The following CAPN3 variants were observed in gnomAD, a reference collection of about 807,000 sequenced individuals.
CAPN3 encodes the protein calpain-3.
In CAPN3, 88 loss-of-function variants were observed where a neutral mutation model predicts 114.0. The observed-to-expected ratio is 0.77, with a 90% CI of 0.65 to 0.92. The LOEUF (loss-of-function observed/expected upper bound fraction) is 0.92, where lower values mean the gene tolerates loss of function less well. Ranked by LOEUF, CAPN3 falls within the 40% of genes least tolerant of loss-of-function variation. The probability of loss-of-function intolerance (pLI) is 0.00; values close to 1 mark genes in which losing one functional copy is unlikely to be tolerated. For missense variants in CAPN3, 1,028 were observed against 1,069.0 expected, an observed-to-expected ratio of 0.96 and a Z score of 0.53; for synonymous variants, 386 against 382.9, an observed-to-expected ratio of 1.01 and a Z score of -0.09.
intron 16 of CAPN3, chr15:42,408,758 G>A: frequency 3.0e-6 from 1 of 337,804 alleles, no homozygotes; most frequent in South Asian, 2.5e-5. Flanking sequence ...TTAGATTGGA[G>A]TGGGAGCTTA....
Position 42,399,587 on chromosome 15 carries a change from C to G in CAPN3, c.1289C>G (p.Thr430Arg). The G allele has an allele frequency of 6.2e-7, 1 of 1,614,034 alleles. No individual in the cohort carries two copies. Among genetic ancestry groups the G allele is most frequent in the Non-Finnish European group, 8.5e-7 (1 of 1,179,958 alleles). The change falls in exon 10 of 24, where the codon ACA (threonine) becomes AGA (arginine). Residue 430 changes from threonine to arginine, a missense_variant. Coordinates refer to ENST00000397163, the MANE Select transcript of CAPN3 (RefSeq NM_000070.3). ...CAGTCTGACAAGCTTCAGACCTGGA[C>G]AGTGTCTGTGAACGAGGGCCGCTGG... Reference protein sequence around the residue: ...ALQSDKLQTWTVSVNEGRWVR... With the variant: ...ALQSDKLQTWRVSVNEGRWVR...
At chr15:42,375,476 G>C (rs1221628065) in intron 1 of CAPN3, among the ~76,000 whole-genome samples, 1 of 151,608 alleles carries the variant, frequency 6.6e-6, no homozygotes, top group African/African-American at 2.4e-5. Context: ...GTAGCACAAG[G>C]CCCTTCTTCC....
At position 42,408,281 on chromosome 15, in the gene CAPN3, G is replaced by A; in HGVS notation, c.1871G>A (p.Gly624Asp). 6.2e-7 allele frequency: 1 copy of A among 1,613,780 alleles called. No individual in the cohort carries two copies. The part of the protein sequence containing the change: ...ELGVDQESEE[G>D]KGKTSPDKQK... ...GGTGTGGACCAGGAGTCAGAGGAGG[G>A]CAAAGGCAAAACAAGCCCTGATAAG... Residue 624 changes from glycine to aspartate, a missense_variant, in exon 16 of 24, where the codon GGC (glycine) becomes GAC (aspartate). Gly to Asp is a moderately conservative substitution (Grantham distance 94). Coordinates refer to ENST00000397163, the MANE Select transcript of CAPN3 (RefSeq NM_000070.3).
Position 42,412,113 on chromosome 15 carries a change from C to G in CAPN3, c.*340C>G. 6.5e-7 allele frequency: 1 copy of G among 1,535,706 alleles called. No homozygotes were observed. The highest frequency in any genetic ancestry group is 8.7e-7 in the Non-Finnish European group (1 of 1,146,824). On this transcript the variant is annotated 3_prime_UTR_variant, in exon 24 of 24. Transcript: ENST00000397163. ...TGTCTGCAGAAGCACCTGCCGGTGG[C>G]ACTCAGCACCTCCTTGTGCTAGAGC... is the stretch of plus-strand genomic sequence containing the variant.
intron 21 of CAPN3, 57 bp downstream of exon 21, chr15:42,410,723 G>T: frequency 6.8e-7 from 1 of 1,468,888 alleles, no homozygotes; most frequent in South Asian, 1.1e-5. Context: ...GAGCAGGAAT[G>T]GGAGGGGACT....
At chr15:42,390,195 A>G in intron 6 of CAPN3, 99 bp downstream of exon 6, 2 of 1,339,294 alleles carry the variant, frequency 1.5e-6, no homozygotes, top group Non-Finnish European at 1.1e-6. Flanking sequence ...GGCCTTACCC[A>G]CACACCCCCA....
chr15:42,386,195 C>T lies in CAPN3; in HGVS notation c.408C>T (p.Ala136=), dbSNP rs775861630. The change falls in exon 3 of 24, where the codon GCC becomes GCT. Residue 136 remains alanine, a synonymous_variant. Coordinates refer to ENST00000397163, the MANE Select transcript of CAPN3 (RefSeq NM_000070.3). ...ACTGCTGGTTTCTCGCAGCCATTGC[C>T]TGCCTGACCCTGAACCAGCACCTTC... ...LGDCWFLAAI[A]CLTLNQHLLF... is the part of the protein sequence containing the mutation. 4 of 1,614,052 alleles carry T rather than the reference C, an allele frequency of 2.5e-6. No homozygotes were observed. Among genetic ancestry groups the T allele is most frequent in the South Asian group, 2.2e-5 (2 of 91,086 alleles).
rs66487749 is a variant in CAPN3 at position 42,374,794 on chromosome 15, CTTTTTTTTTTTT to C, written c.310-9676_310-9665del. ...TGCATTGTAATCGAATATCATGTCTCTTTTTTTTTTTTTTTTTTTTTTTTGAGAGAGAGACTT... is the reference window on the plus strand; with the variant it reads ...TGCATTGTAATCGAATATCATGTCTCTTTTTTTTTTTTGAGAGAGAGACTT... On this transcript the variant is annotated intron_variant, in intron 1 of 23. Coordinates refer to ENST00000397163, the MANE Select transcript of CAPN3 (RefSeq NM_000070.3). Among the ~76,000 whole-genome samples, 77 of 85,452 alleles carry C rather than the reference CTTTTTTTTTTTT, an allele frequency of 9.0e-4. 2 individuals are homozygous for C. Among genetic ancestry groups the C allele is most frequent in the Non-Finnish European group, 1.5e-3 (70 of 46,928 alleles). The allele number at this position is 85,452 out of a possible 152,430, so 56.1% of individuals were successfully genotyped here. A position where few individuals can be genotyped will look rare whatever the true frequency, so the allele number is the denominator to read the frequency against.
intron 9 of CAPN3, among the ~76,000 whole-genome samples, chr15:42,398,351 G>A (rs2053760198): frequency 6.6e-6 from 1 of 152,108 alleles, no homozygotes; most frequent in Non-Finnish European, 1.5e-5. Flanking sequence ...TTGGGAGGCT[G>A]AGGCGGGCAG....
In CAPN3 at chr15:42,401,798, C is replaced by G. The variant is rs1002414882; in HGVS notation, c.1512C>G (p.Phe504Leu). Reference protein sequence around the residue: ...KLGASLFTIGFAIYEVPKEMH... With the variant: ...KLGASLFTIGLAIYEVPKEMH... ...GGGCCAGTCTCTTCACCATTGGCTT[C>G]GCCATCTACGAGGTGTGCAGTCCTG... The change falls in exon 11 of 24, where the codon TTC becomes TTG. Residue 504 changes from phenylalanine (F) to leucine (L), a missense_variant. Phe to Leu is a conservative substitution (Grantham distance 22). Coordinates refer to ENST00000397163, the MANE Select transcript of CAPN3 (RefSeq NM_000070.3). 39 of 1,613,218 alleles carry G rather than the reference C, an allele frequency of 2.4e-5. No individual in the cohort carries two copies. The highest frequency in any genetic ancestry group is 3.2e-5 in the Non-Finnish European group (38 of 1,179,652).
chr15:42,392,510 C>T (rs2053583198), intron 6 of CAPN3, 129 bp from the exon 7 acceptor site: 2 of 731,682 alleles, frequency 2.7e-6, no homozygotes, highest in Non-Finnish European at 4.9e-6. Flanking sequence ...TCGTGAGGCA[C>T]ACTTTCAGGG....
At chr15:42,380,081 CA>C (rs749514886) in intron 1 of CAPN3, among the ~76,000 whole-genome samples, 53 of 152,120 alleles carry the variant, frequency 3.5e-4, no homozygotes, top group Non-Finnish European at 6.6e-4. Flanking sequence ...GCCTGGGCGA[CA>C]AGAGCGAAAC....
chr15:42,393,043 C>A (rs1368093312), intron 7 of CAPN3, among the ~76,000 whole-genome samples: 2 of 152,204 alleles, frequency 1.3e-5, no homozygotes, highest in Non-Finnish European at 2.9e-5. Flanking sequence ...GCTTCCTGTT[C>A]TCTCGTGTTC....
intron 7 of CAPN3, among the ~76,000 whole-genome samples, chr15:42,393,898 G>T (rs1162841051): frequency 6.6e-6 from 1 of 151,974 alleles, no homozygotes; most frequent in Non-Finnish European, 1.5e-5. Context: ...TGGCCAGCAG[G>T]GGCCTTTTTT....
chr15:42,384,297 A>C (rs1218587525), intron 1 of CAPN3, among the ~76,000 whole-genome samples, 186 bp from the exon 2 acceptor site: 1 of 152,174 alleles, frequency 6.6e-6, no homozygotes, highest in Non-Finnish European at 1.5e-5. Context: ...CTATAGTCCC[A>C]GCTACTCGAG....
chr15:42,403,687 C>T, intron 13 of CAPN3, 54 bp from the exon 14 acceptor site: 1 of 1,533,758 alleles, frequency 6.5e-7, no homozygotes. Context: ...CGTCCACGGG[C>T]CTCCTGCTTG....
chr15:42,410,236 CAA>C (rs1009051495), intron 19 of CAPN3, among the ~76,000 whole-genome samples, 190 bp from the exon 20 acceptor site: 13 of 152,264 alleles, frequency 8.5e-5, no homozygotes, highest in South Asian at 4.1e-4. Flanking sequence ...CCTGCCCAAG[CAA>C]AAGTGGTCCT....
At chr15:42,408,110 C>T in intron 15 of CAPN3, 101 bp from the exon 16 acceptor site, 1 of 772,138 alleles carries the variant, frequency 1.3e-6, no homozygotes, top group Non-Finnish European at 2.3e-6. Flanking sequence ...TTCCTTTCCT[C>T]TTCTCACTGG....
intron 15 of CAPN3, 142 bp downstream of exon 15, chr15:42,406,085 G>C: frequency 2.5e-6 from 2 of 791,484 alleles, no homozygotes; most frequent in Admixed American, 3.7e-5. Flanking sequence ...GCTTCTGCTG[G>C]GGCCGAGCGT....
Sources: allele counts gnomAD v4.1 joint callset (sites outside exome capture counted in the v4.1 genomes callset), GRCh38; gene constraint gnomAD v4.1.1; transcripts MANE v1.5; gene names NCBI Gene and HGNC (gene_info 2026-07-23, HGNC 2026-07-21).